Variants in KCNQ1 observed in about 807,000 individuals in gnomAD.
KCNQ1 encodes the protein potassium voltage-gated channel subfamily KQT member 1.
A neutral mutation model predicts 72.4 loss-of-function variants in KCNQ1; 49 were observed. The observed-to-expected ratio is 0.68, with a 90% confidence interval of 0.54 to 0.86. The LOEUF (loss-of-function observed/expected upper bound fraction) is 0.86, where lower values mean the gene tolerates loss of function less well. Among genes scored for constraint, KCNQ1 ranks in the 40% least tolerant of loss-of-function variants. KCNQ1 has a pLI of 0.00. For synonymous variants in KCNQ1, 450 were observed against 412.6 expected, an observed-to-expected ratio of 1.09 and a Z score of -1.10; for missense variants, 790 against 945.1, an observed-to-expected ratio of 0.84 and a Z score of 2.15.
Position 2,624,031 on chromosome 11 carries a change from C to T in KCNQ1, c.1393+35177C>T. The T allele has an allele frequency of 2.5e-6, 1 of 399,594 alleles. No individual in the cohort carries two copies. Among genetic ancestry groups the T allele is most frequent in the East Asian group, 3.6e-5 (1 of 28,140 alleles). 24.8% of individuals were successfully genotyped at this position (399,594 alleles called of 1,614,324 possible). ...GTGGCTGTACCATTTTGCATTCCCA[C>T]CAGCAATGGATGAGTGTTCCTGTTG... On this transcript the variant is annotated intron_variant, in intron 10 of 15. Transcript: ENST00000155840. The surrounding 1 kb of genome is among the most constrained non-coding windows in gnomAD (Gnocchi z 4.9).
At chr11:2,684,813 T>C in intron 11 of KCNQ1, 1 of 398,650 alleles carries the variant, frequency 2.5e-6, no homozygotes, top group Admixed American at 4.4e-5. Context: ...TTCCAAGGCT[T>C]GAGGTCTCCT....
chr11:2,514,989 G>A (rs1392019256), intron 1 of KCNQ1, among the ~76,000 whole-genome samples: 3 of 152,204 alleles, frequency 2.0e-5, no homozygotes, highest in Admixed American at 2.0e-4. Context: ...GAGTGGAGGT[G>A]CTCTGGGAGC....
chr11:2,668,610 A>G lies in KCNQ1; in HGVS notation c.1514+6529A>G. 1 of 398,564 alleles carries G rather than the reference A, an allele frequency of 2.5e-6. No homozygotes were observed. The highest frequency in any genetic ancestry group is 4.4e-6 in the Non-Finnish European group (1 of 226,054). 24.7% of individuals were successfully genotyped at this position (398,564 alleles called of 1,614,324 possible). ...ACATCATTCTGTATAAATTGCCTAC[A>G]TCTTCTGCCTGTTTTATGTTTATTT... On this transcript the variant is annotated intron_variant, in intron 11 of 15. Coordinates refer to ENST00000155840, the MANE Select transcript of KCNQ1 (RefSeq NM_000218.3). This position sits in a 1 kb window ranked among gnomAD's most constrained non-coding sequence, Gnocchi z 4.3.
chr11:2,760,547 C>G (rs909067453), intron 11 of KCNQ1, among the ~76,000 whole-genome samples: 23 of 152,252 alleles, frequency 1.5e-4, no homozygotes, highest in African/African-American at 5.5e-4. Context: ...CTGGGTGGTG[C>G]GGGCAGGGAG....
rs1846950079 is a variant in KCNQ1, at chr11:2,498,022, C to T, written c.387-29906C>T. 6.6e-6 allele frequency among the ~76,000 whole-genome samples: 1 copy of T among 152,198 alleles called. No homozygotes were observed. On this transcript the variant is annotated intron_variant, in intron 1 of 15. Coordinates refer to ENST00000155840, the MANE Select transcript of KCNQ1 (RefSeq NM_000218.3). This position sits in a 1 kb window ranked among gnomAD's most constrained non-coding sequence, Gnocchi z 4.8. Reference sequence around the variant, plus strand: ...GGAGGCTGCAGAACAGCAAAGATTGCTGCCTACTCCTTCCTCTGGAAGCTT... The same window carrying T: ...GGAGGCTGCAGAACAGCAAAGATTGTTGCCTACTCCTTCCTCTGGAAGCTT...
At chr11:2,560,099 A>G (rs1421609097) in intron 2 of KCNQ1, among the ~76,000 whole-genome samples, 2 of 105,208 alleles carry the variant, frequency 1.9e-5, no homozygotes, top group African/African-American at 3.7e-5. Flanking sequence ...GGGCCGTGAC[A>G]TCCGGTCAGG....
At position 2,625,519 on chromosome 11, in the gene KCNQ1, A is replaced by G. The variant is rs756536805; in HGVS notation, c.1394-36442A>G. The G allele has an allele frequency of 5.6e-4, 224 of 397,510 alleles. No individual in the cohort carries two copies. The highest frequency in any genetic ancestry group is 1.9e-3 in the Middle Eastern group (3 of 1,576). 24.6% of individuals were successfully genotyped at this position (397,510 alleles called of 1,614,324 possible). On this transcript the variant is annotated intron_variant, in intron 10 of 15. Transcript: ENST00000155840. ...GACTAGAGATGTTAAACAACTTTTCACGTACTATTATCCATTTGTATATCT... is the reference window on the plus strand; with the variant it reads ...GACTAGAGATGTTAAACAACTTTTCGCGTACTATTATCCATTTGTATATCT...
Position 2,683,174 on chromosome 11 carries a change from A to C in KCNQ1, c.1514+21093A>C, listed in dbSNP as rs1334476240. 1 of 398,556 alleles carries C rather than the reference A, an allele frequency of 2.5e-6. No homozygotes were observed. Among genetic ancestry groups the C allele is most frequent in the Non-Finnish European group, 4.4e-6 (1 of 226,090 alleles). 24.7% of individuals were successfully genotyped at this position (398,556 alleles called of 1,614,324 possible). On this transcript the variant is annotated intron_variant, in intron 11 of 15. Coordinates refer to ENST00000155840, the MANE Select transcript of KCNQ1 (RefSeq NM_000218.3). The surrounding 1 kb of genome is among the most constrained non-coding windows in gnomAD (Gnocchi z 4.7). The stretch of plus-strand genomic sequence containing the variant: ...ATTAGGAATGGGTATTAGCATCTGC[A>C]TTAAAAGGCTCCCACTGACAGCTCA...
chr11:2,660,517 C>G (rs1043595104), intron 10 of KCNQ1: 1 of 398,390 alleles, frequency 2.5e-6, no homozygotes, highest in Admixed American at 4.4e-5. Flanking sequence ...GAGTTAATGT[C>G]TGTAATGTAT....
chr11:2,821,643 C>T (rs759282069), intron 15 of KCNQ1, among the ~76,000 whole-genome samples: 1 of 152,162 alleles, frequency 6.6e-6, no homozygotes, highest in African/African-American at 2.4e-5. Flanking sequence ...ATGGGCCTTG[C>T]GTGCTGCCCT....
chr11:2,663,996 G>A lies in KCNQ1; in HGVS notation c.1514+1915G>A, dbSNP rs1407379865. ...CATCCCCAAGCTCTCTGCCCACTTTGGGTCTGGCACATTACCATTCTGCAA... is the reference window on the plus strand; with the variant it reads ...CATCCCCAAGCTCTCTGCCCACTTTAGGTCTGGCACATTACCATTCTGCAA... On this transcript the variant is annotated intron_variant, in intron 11 of 15. Coordinates refer to ENST00000155840, the MANE Select transcript of KCNQ1 (RefSeq NM_000218.3). This position sits in a 1 kb window ranked among gnomAD's most constrained non-coding sequence, Gnocchi z 5.2. The A allele has an allele frequency of 2.5e-6, 1 of 398,698 alleles. No individual in the cohort carries two copies. The highest frequency in any genetic ancestry group is 4.4e-5 in the Admixed American group (1 of 22,738). 24.7% of individuals were successfully genotyped at this position (398,698 alleles called of 1,614,324 possible). A position where few individuals can be genotyped will look rare whatever the true frequency, so the allele number is the denominator to read the frequency against.
chr11:2,713,470 G>C lies in KCNQ1; in HGVS notation c.1514+51389G>C, dbSNP rs1008431140. ...TCCAGAACAAGTCACAGCCATTGTAGATTTTGATTAATCGCCATCCCCATT... is the reference window on the plus strand; with the variant it reads ...TCCAGAACAAGTCACAGCCATTGTACATTTTGATTAATCGCCATCCCCATT... On this transcript the variant is annotated intron_variant, in intron 11 of 15. Transcript: ENST00000155840. The surrounding 1 kb of genome is among the most constrained non-coding windows in gnomAD (Gnocchi z 5.6). Among the ~76,000 whole-genome samples the C allele has an allele frequency of 1.3e-5, 2 of 152,204 alleles. No homozygotes were observed. The highest frequency in any genetic ancestry group is 2.9e-5 in the Non-Finnish European group (2 of 68,034).
intron 15 of KCNQ1, among the ~76,000 whole-genome samples, chr11:2,806,775 T>C (rs1441652638): frequency 6.6e-6 from 1 of 152,194 alleles, no homozygotes; most frequent in African/African-American, 2.4e-5. Flanking sequence ...GGCCCCCACC[T>C]GACCCCTCCC....
intron 6 of KCNQ1, among the ~76,000 whole-genome samples, chr11:2,581,182 G>A (rs1035198691): frequency 1.3e-5 from 2 of 152,226 alleles, no homozygotes; most frequent in African/African-American, 4.8e-5. Context: ...GCCCTGCCCA[G>A]GCCCTTCTAG....
rs1398962236 is a variant in KCNQ1 at position 2,515,848 on chromosome 11, A to ACCTGCACCCTCCGGGCCC, written c.387-12078_387-12061dup. On this transcript the variant is annotated intron_variant, in intron 1 of 15. Coordinates refer to ENST00000155840, the MANE Select transcript of KCNQ1 (RefSeq NM_000218.3). The surrounding 1 kb of genome is among the most constrained non-coding windows in gnomAD (Gnocchi z 4.7). ...TGGGGGGCTTGTGCTCTGCCGGGCC[A>ACCTGCACCCTCCGGGCCC]CCTGCACCCTCCGGGCCCCAGGAGA... Among the ~76,000 whole-genome samples the ACCTGCACCCTCCGGGCCC allele has an allele frequency of 1.3e-5, 2 of 151,844 alleles. No homozygotes were observed. The highest frequency in any genetic ancestry group is 2.9e-5 in the Non-Finnish European group (2 of 67,920).
intron 10 of KCNQ1, chr11:2,615,515 A>C: frequency 2.5e-6 from 1 of 397,920 alleles, no homozygotes; most frequent in East Asian, 3.6e-5. Context: ...TTTTTTTCTC[A>C]TTAAGTATAT....
rs567057227 is a variant in KCNQ1 at position 2,678,408 on chromosome 11, C to T, written c.1514+16327C>T. The T allele has an allele frequency of 1.2e-3, 471 of 398,420 alleles. No homozygotes were observed. Among genetic ancestry groups the T allele is most frequent in the African/African-American group, 8.8e-3 (430 of 48,672 alleles). 24.7% of individuals were successfully genotyped at this position (398,420 alleles called of 1,614,324 possible). A position where few individuals can be genotyped will look rare whatever the true frequency, so the allele number is the denominator to read the frequency against. ...TTTCCCATATATTTGTCCAGTTGTC[C>T]AACACTATTTATTTGAGTACATCAT... On this transcript the variant is annotated intron_variant, in intron 11 of 15. Coordinates refer to ENST00000155840, the MANE Select transcript of KCNQ1 (RefSeq NM_000218.3). The surrounding 1 kb of genome is among the most constrained non-coding windows in gnomAD (Gnocchi z 4.9).
intron 10 of KCNQ1, among the ~76,000 whole-genome samples, chr11:2,605,575 T>C (rs1848867417): frequency 1.3e-5 from 2 of 152,260 alleles, no homozygotes; most frequent in Non-Finnish European, 2.9e-5. Context: ...TTGGCATCCT[T>C]GTCAAAAATC....
At chr11:2,638,030 G>C (rs994465765) in intron 10 of KCNQ1, 3 of 152,094 alleles carry the variant, frequency 2.0e-5, no homozygotes, top group African/African-American at 7.2e-5. Flanking sequence ...CCATTTGCTT[G>C]GTAGATCTTC....
Sources: allele counts gnomAD v4.1 joint callset (sites outside exome capture counted in the v4.1 genomes callset), GRCh38; gene constraint gnomAD v4.1.1; non-coding constraint Gnocchi (gnomAD v3.1); transcripts MANE v1.5; gene names NCBI Gene and HGNC (gene_info 2026-07-23, HGNC 2026-07-21).